The following PHLPP1 variants were observed in gnomAD, a reference collection of about 807,000 sequenced individuals.
PHLPP1 encodes PH domain leucine-rich repeat-containing protein phosphatase 1.
Under a neutral mutation model 117.2 loss-of-function variants are expected in PHLPP1, and 42 were observed. The observed-to-expected ratio is 0.36, with a 90% confidence interval of 0.28 to 0.46. The LOEUF is 0.46. Ranked by LOEUF, PHLPP1 falls within the 20% of genes least tolerant of loss-of-function variation. PHLPP1 has a pLI of 1.00. For missense variants in PHLPP1, 2,084 were observed against 2,241.9 expected (o/e 0.93, Z 1.42); for synonymous variants, 1,042 against 970.7 (o/e 1.07, Z -1.37).
intron 7 of PHLPP1, among the ~76,000 whole-genome samples, chr18:62,904,057 G>C (rs1286079373): frequency 6.6e-6 from 1 of 152,194 alleles, no homozygotes; most frequent in Non-Finnish European, 1.5e-5. Flanking sequence ...TGCAGCTCAT[G>C]AGCTCTGAAA....
chr18:62,716,282 A>G lies in PHLPP1; in HGVS notation c.599A>G (p.Gln200Arg). The change falls in exon 1 of 17, where the codon CAG (glutamine) becomes CGG (arginine). Residue 200 changes from glutamine to arginine, a missense_variant. By Grantham distance (43) the Gln-to-Arg change is conservative. Transcript: ENST00000262719. This position sits in a 1 kb window ranked among gnomAD's most constrained non-coding sequence, Gnocchi z 5.7. ...CGGGACTGGGTGAGGCACCAGCTCC[A>G]GCGCGGCTGCGTGCACGTCTTCGAC... ...SDRDWVRHQL[Q>R]RGCVHVFDRH... 15 of 1,531,110 alleles carry G rather than the reference A, an allele frequency of 9.8e-6. No individual in the cohort carries two copies. Among genetic ancestry groups the G allele is most frequent in the Non-Finnish European group, 1.3e-5 (15 of 1,145,194 alleles). The allele number at this position is 1,531,110 out of a possible 1,614,324, so 94.8% of individuals were successfully genotyped here.
At chr18:62,933,754 A>G (rs1909887736) in intron 10 of PHLPP1, among the ~76,000 whole-genome samples, 1 of 152,232 alleles carries the variant, frequency 6.6e-6, no homozygotes. Context: ...GACAAATGGG[A>G]CTTAATTAAA....
intron 10 of PHLPP1, among the ~76,000 whole-genome samples, chr18:62,926,457 TCTG>T (rs1909630283): frequency 6.6e-6 from 1 of 152,172 alleles, no homozygotes; most frequent in Non-Finnish European, 1.5e-5. Flanking sequence ...CTGCCTGTAC[TCTG>T]AGAGACTGCT....
chr18:62,784,209 T>C (rs1913209712), intron 1 of PHLPP1, among the ~76,000 whole-genome samples: 1 of 152,222 alleles, frequency 6.6e-6, no homozygotes, highest in Admixed American at 6.5e-5. Flanking sequence ...ACTTTTTCAT[T>C]GTCACAAATA....
intron 9 of PHLPP1, 61 bp from the exon 10 acceptor site, chr18:62,919,898 G>A: frequency 8.2e-7 from 1 of 1,212,820 alleles, no homozygotes; most frequent in South Asian, 1.4e-5. Context: ...TTTTTGGAGA[G>A]GTAATTTTAA....
intron 1 of PHLPP1, among the ~76,000 whole-genome samples, chr18:62,771,319 G>T (rs1210253418): frequency 6.6e-6 from 1 of 151,746 alleles, no homozygotes; most frequent in Non-Finnish European, 1.5e-5. Context: ...GAATGTATAT[G>T]CTACCATTAA....
chr18:62,755,997 A>G (rs1912005058), intron 1 of PHLPP1, among the ~76,000 whole-genome samples: 1 of 139,718 alleles, frequency 7.2e-6, no homozygotes, highest in Admixed American at 7.0e-5. Flanking sequence ...CCCCCCTTCA[A>G]TTTGTGCCAA....
At chr18:62,905,437 A>G (rs907172804) in intron 8 of PHLPP1, among the ~76,000 whole-genome samples, 153 bp downstream of exon 8, 13 of 152,310 alleles carry the variant, frequency 8.5e-5, no homozygotes, top group African/African-American at 3.1e-4. Flanking sequence ...ATATATATCT[A>G]TTGATTAAAA....
At chr18:62,873,336 A>G (rs1915956709) in intron 4 of PHLPP1, among the ~76,000 whole-genome samples, 1 of 152,242 alleles carries the variant, frequency 6.6e-6, no homozygotes, top group Non-Finnish European at 1.5e-5. Flanking sequence ...ACTTATACCA[A>G]CCAGTTTAAG....
chr18:62,948,254 G>C (rs1312951874), intron 12 of PHLPP1, among the ~76,000 whole-genome samples: 3 of 151,674 alleles, frequency 2.0e-5, no homozygotes, highest in East Asian at 1.9e-4. Flanking sequence ...GAACCCGAGA[G>C]GGGGAAGCTA....
chr18:62,721,695 C>A (rs1448200250), intron 1 of PHLPP1, among the ~76,000 whole-genome samples: 1 of 151,926 alleles, frequency 6.6e-6, no homozygotes, highest in African/African-American at 2.4e-5. Context: ...GTCTTTTGTA[C>A]TCATTGAAGT....
chr18:62,842,073 T>C (rs576580662), intron 3 of PHLPP1, among the ~76,000 whole-genome samples: 11 of 152,352 alleles, frequency 7.2e-5, no homozygotes, highest in Admixed American at 1.3e-4. Flanking sequence ...GAGATATGCA[T>C]ATAATAGATT....
intron 1 of PHLPP1, among the ~76,000 whole-genome samples, chr18:62,814,814 C>T (rs1432709111): frequency 6.6e-6 from 1 of 152,122 alleles, no homozygotes; most frequent in African/African-American, 2.4e-5. Flanking sequence ...ATACAAAGTC[C>T]TATAAATTTT....
intron 2 of PHLPP1, among the ~76,000 whole-genome samples, chr18:62,835,096 T>G (rs1914854652): frequency 1.3e-5 from 2 of 152,184 alleles, no homozygotes; most frequent in Admixed American, 1.3e-4. Flanking sequence ...TCATATAATA[T>G]TCAAATGATG....
At chr18:62,859,774 A>G (rs760145382) in intron 3 of PHLPP1, among the ~76,000 whole-genome samples, 1 of 152,186 alleles carries the variant, frequency 6.6e-6, no homozygotes, top group Non-Finnish European at 1.5e-5. Flanking sequence ...CAGGAATAAA[A>G]CTCCTGCATT....
In PHLPP1 at chr18:62,923,711, G is replaced by A. The variant is rs562003794; in HGVS notation, c.2960+3597G>A. On this transcript the variant is annotated intron_variant, in intron 10 of 16. Coordinates refer to ENST00000262719, the MANE Select transcript of PHLPP1 (RefSeq NM_194449.4). The stretch of plus-strand genomic sequence containing the variant: ...AAAAATTTTATTACTTTTTTTTATT[G>A]AGGCATAATTTAAACTCAGGAAAAT... Among the ~76,000 whole-genome samples the A allele has an allele frequency of 3.7e-4, 56 of 151,674 alleles. No homozygotes were observed. The South Asian group carries it at 0.011, about 29-fold the overall frequency.
Position 62,716,640 on chromosome 18 carries a change from G to A in PHLPP1, c.957G>A (p.Ala319=). ...PGGWSRRASP[A]PSDSSPGEPF... Reference sequence around the variant, plus strand: ...GGTGGTCGCGCCGCGCCAGCCCAGCGCCCTCGGACTCCAGCCCCGGCGAGC... The same window carrying A: ...GGTGGTCGCGCCGCGCCAGCCCAGCACCCTCGGACTCCAGCCCCGGCGAGC... The change falls in exon 1 of 17, where the codon GCG becomes GCA. Residue 319 remains alanine, a synonymous_variant. Transcript: ENST00000262719. The surrounding 1 kb of genome is among the most constrained non-coding windows in gnomAD (Gnocchi z 5.7). 1.4e-6 allele frequency: 2 copies of A among 1,383,842 alleles called. No homozygotes were observed. Among genetic ancestry groups the A allele is most frequent in the Non-Finnish European group, 1.9e-6 (2 of 1,070,784 alleles). The allele number at this position is 1,383,842 out of a possible 1,614,324, so 85.7% of individuals were successfully genotyped here. A position where few individuals can be genotyped will look rare whatever the true frequency, so the allele number is the denominator to read the frequency against.
intron 1 of PHLPP1, among the ~76,000 whole-genome samples, chr18:62,744,258 C>G (rs1423041342): frequency 6.6e-6 from 1 of 152,230 alleles, no homozygotes; most frequent in Non-Finnish European, 1.5e-5. Flanking sequence ...GGTGCGAGCA[C>G]ACTCCTCATA....
chr18:62,863,022 T>C (rs917954919), intron 4 of PHLPP1, among the ~76,000 whole-genome samples: 2 of 151,804 alleles, frequency 1.3e-5, no homozygotes, highest in Non-Finnish European at 2.9e-5. Context: ...AGCTGACGTG[T>C]ACTATGAAAG....
Sources: allele counts gnomAD v4.1 joint callset (sites outside exome capture counted in the v4.1 genomes callset), GRCh38; gene constraint gnomAD v4.1.1; non-coding constraint Gnocchi (gnomAD v3.1); transcripts MANE v1.5; gene names NCBI Gene and HGNC (gene_info 2026-07-23, HGNC 2026-07-21).